PCCA: variants seen among roughly 807,000 people sequenced by gnomAD.
The protein encoded by PCCA is propionyl-CoA carboxylase alpha chain, mitochondrial.
Under a neutral mutation model 101.3 loss-of-function variants are expected in PCCA, and 74 were observed. The ratio of observed to expected loss-of-function variants is 0.73; its 90% CI spans 0.61 to 0.89. The LOEUF is 0.89. PCCA is among the 40% of genes least tolerant of loss of function. The pLI is 0.00. For missense variants in PCCA, 891 were observed against 907.0 expected (o/e 0.98, Z 0.23); for synonymous variants, 294 against 313.6 (o/e 0.94, Z 0.66).
chr13:100,097,441 C>T (rs924571666), intron 1 of PCCA, among the ~76,000 whole-genome samples: 8 of 152,022 alleles, frequency 5.3e-5, no homozygotes, highest in African/African-American at 1.7e-4. Flanking sequence ...AAGAATGGTC[C>T]GGGTGCAGTG....
chr13:100,181,435 A>T (rs1010646126), intron 6 of PCCA, among the ~76,000 whole-genome samples: 3 of 152,090 alleles, frequency 2.0e-5, no homozygotes, highest in Admixed American at 2.0e-4. Context: ...CTTCTTTGGA[A>T]ACAGGGTGTT....
At chr13:100,393,700 A>G (rs1482821282) in intron 19 of PCCA, among the ~76,000 whole-genome samples, 9 of 152,146 alleles carry the variant, frequency 5.9e-5, no homozygotes, top group Non-Finnish European at 1.3e-4. Context: ...TACAGGCATG[A>G]GTTACCGGAC....
chr13:100,257,926 C>T (rs556642212), intron 9 of PCCA, among the ~76,000 whole-genome samples: 46 of 151,712 alleles, frequency 3.0e-4, no homozygotes, highest in African/African-American at 8.9e-4. Context: ...TTGTTTTTAC[C>T]GTATATTTTT....
In PCCA at chr13:100,447,950, C is replaced by T. The variant is rs147295452; in HGVS notation, c.1846-1302C>T. On this transcript the variant is annotated intron_variant, in intron 20 of 23. Coordinates refer to ENST00000376285, the MANE Select transcript of PCCA (RefSeq NM_000282.4). ...GATCATAGAGATCAGAGTTGGTAAA[C>T]CTCCACTTCTGTAAAAAGGAATGAA... Among the ~76,000 whole-genome samples, 565 of 152,272 alleles carry T rather than the reference C, an allele frequency of 3.7e-3. 3 individuals are homozygous for T. Among genetic ancestry groups the T allele is most frequent in the African/African-American group, 0.013 (530 of 41,542 alleles).
intron 12 of PCCA, among the ~76,000 whole-genome samples, chr13:100,299,431 T>C (rs1182574043): frequency 6.6e-6 from 1 of 152,266 alleles, no homozygotes; most frequent in African/African-American, 2.4e-5. Flanking sequence ...TATACATACA[T>C]TTCTTTCATA....
chr13:100,198,178 G>C lies in PCCA; in HGVS notation c.469-11154G>C, dbSNP rs77376094. The C allele has an allele frequency of 1.1e-4, 16 of 152,348 alleles. No individual in the cohort carries two copies. In the East Asian group the frequency reaches 3.1e-3, roughly 29 times the overall value. The allele number at this position is 152,348 out of a possible 1,614,324, so 9.4% of individuals were successfully genotyped here. ...TTGCTTCTCATTTCATCACTGATTT[G>C]GTGGTACCCAGACCTTTACAGAGCC... On this transcript the variant is annotated intron_variant, in intron 6 of 23. Coordinates refer to ENST00000376285, the MANE Select transcript of PCCA (RefSeq NM_000282.4).
At chr13:100,113,214 C>T (rs949941519) in intron 4 of PCCA, among the ~76,000 whole-genome samples, 2 of 152,068 alleles carry the variant, frequency 1.3e-5, no homozygotes, top group African/African-American at 2.4e-5. Flanking sequence ...CTGTGCAGCA[C>T]GTGACTGTAC....
At chr13:100,443,235 TAAAG>T (rs1949409251) in intron 20 of PCCA, among the ~76,000 whole-genome samples, 1 of 152,014 alleles carries the variant, frequency 6.6e-6, no homozygotes, top group Admixed American at 6.6e-5. Flanking sequence ...GGGAAAAAAT[TAAAG>T]AAGAATGTTT....
At chr13:100,200,532 C>T (rs560886201) in intron 6 of PCCA, among the ~76,000 whole-genome samples, 6 of 151,584 alleles carry the variant, frequency 4.0e-5, no homozygotes, top group African/African-American at 1.5e-4. Flanking sequence ...TTTTTAGTTG[C>T]AGGCTAGGAA....
rs553284644 is a variant in PCCA, at chr13:100,184,879, C to G, written c.469-24453C>G. On this transcript the variant is annotated intron_variant, in intron 6 of 23. Transcript: ENST00000376285. ...GCCTGTAGGCTGTAATTGGCCAGTA[C>G]TTGTTATAGAGCTTTCTGTCTTCCT... 1.0e-3 allele frequency among the ~76,000 whole-genome samples: 154 copies of G among 152,232 alleles called. 1 individual carries two copies. Among genetic ancestry groups the G allele is most frequent in the Non-Finnish European group, 1.8e-3 (121 of 68,012 alleles).
intron 21 of PCCA, among the ~76,000 whole-genome samples, chr13:100,503,299 T>A (rs1249568419): frequency 6.6e-6 from 1 of 152,098 alleles, no homozygotes; most frequent in Non-Finnish European, 1.5e-5. Context: ...AAGACCAGCC[T>A]GACCAACATG....
In PCCA at chr13:100,530,223, T is replaced by TCACA. The variant is rs2088305116; in HGVS notation, c.*62_*65dup. 7.7e-7 allele frequency: 1 copy of TCACA among 1,299,754 alleles called. No homozygotes were observed. The highest frequency in any genetic ancestry group is 1.6e-5 in the African/African-American group (1 of 62,446). The allele number at this position is 1,299,754 out of a possible 1,614,324, so 80.5% of individuals were successfully genotyped here. A position where few individuals can be genotyped will look rare whatever the true frequency, so the allele number is the denominator to read the frequency against. ...TTAATTAGCCATTTGCATGATGCTT[T>TCACA]CACACACAATTGATTCAAGCATTAT... On this transcript the variant is annotated 3_prime_UTR_variant, in exon 24 of 24. Transcript: ENST00000376285.
At chr13:100,354,456 A>G (rs979011956) in intron 18 of PCCA, among the ~76,000 whole-genome samples, 7 of 152,116 alleles carry the variant, frequency 4.6e-5, no homozygotes, top group Non-Finnish European at 1.0e-4. Context: ...ACTTCAGGAA[A>G]CATGGAAAAA....
chr13:100,333,263 G>A (rs1181174301), intron 17 of PCCA, among the ~76,000 whole-genome samples: 1 of 152,102 alleles, frequency 6.6e-6, no homozygotes. Context: ...ATGTGCCCAA[G>A]AGACTGAAGG....
At chr13:100,283,597 C>G (rs1333557788) in intron 12 of PCCA, among the ~76,000 whole-genome samples, 1 of 152,082 alleles carries the variant, frequency 6.6e-6, no homozygotes, top group East Asian at 1.9e-4. Flanking sequence ...GGAGAAAGCT[C>G]GAAAAGCAAT....
chr13:100,379,332 G>A (rs370909032), intron 19 of PCCA, among the ~76,000 whole-genome samples: 14 of 152,260 alleles, frequency 9.2e-5, no homozygotes, highest in African/African-American at 3.1e-4. Context: ...GTAGTGGTGG[G>A]CTGAGTATGT....
At chr13:100,186,552 G>A (rs1349298250) in intron 6 of PCCA, among the ~76,000 whole-genome samples, 5 of 151,894 alleles carry the variant, frequency 3.3e-5, no homozygotes, top group Non-Finnish European at 5.9e-5. Context: ...GACCTCCCTG[G>A]GCAAAATGAC....
chr13:100,393,876 G>T (rs2076930623), intron 19 of PCCA, among the ~76,000 whole-genome samples: 1 of 152,106 alleles, frequency 6.6e-6, no homozygotes, highest in Admixed American at 6.5e-5. Context: ...TTTTGTTTTT[G>T]TTTTGAGATC....
intron 22 of PCCA, among the ~76,000 whole-genome samples, chr13:100,517,046 C>CGTGTGT (rs3840814): frequency 0.073 from 9,674 of 132,724 alleles, 437 homozygotes; most frequent in East Asian, 0.14. Context: ...ATTATAAAAT[C>CGTGTGT]GTGTGTGTGT....
Sources: allele counts gnomAD v4.1 joint callset (sites outside exome capture counted in the v4.1 genomes callset), GRCh38; gene constraint gnomAD v4.1.1; transcripts MANE v1.5; gene names NCBI Gene and HGNC (gene_info 2026-07-23, HGNC 2026-07-21).